Variants in TEX11 observed in about 807,000 individuals in gnomAD.
The protein encoded by TEX11 is testis expressed 11.
TEX11 carries 7 observed loss-of-function variants against 84.4 expected under a neutral mutation model. The observed-to-expected ratio is 0.08, with a 90% confidence interval of 0.05 to 0.16. The LOEUF (loss-of-function observed/expected upper bound fraction) is 0.16, where lower values mean the gene tolerates loss of function less well. Among genes scored for constraint, TEX11 ranks in the 10% least tolerant of loss-of-function variants. TEX11 has a pLI of 1.00. For missense variants in TEX11, 551 were observed against 660.5 expected (o/e 0.83, Z 1.82); for synonymous variants, 264 against 222.8 (o/e 1.18, Z -1.64).
chrX:70,858,968 G>A (rs774190226), intron 5 of TEX11, among the ~76,000 whole-genome samples: 23 of 110,824 alleles, frequency 2.1e-4, no homozygotes, highest in East Asian at 5.7e-4. Flanking sequence ...AACCCAGGAC[G>A]CAGGGGTTAC....
At chrX:70,688,353 T>C (rs1253862992) in intron 13 of TEX11, among the ~76,000 whole-genome samples, 1 of 111,748 alleles carries the variant, frequency 8.9e-6, no homozygotes. Context: ...AGCAACTTTA[T>C]TGATAATCAC....
intron 25 of TEX11, among the ~76,000 whole-genome samples, chrX:70,577,387 C>A (rs772855641): frequency 1.8e-5 from 2 of 111,444 alleles, no homozygotes; most frequent in Admixed American, 9.6e-5. Flanking sequence ...GTAGTCATCT[C>A]TATAAAACAA....
intron 7 of TEX11, among the ~76,000 whole-genome samples, chrX:70,851,159 A>G (rs780775373): frequency 1.4e-3 from 154 of 111,851 alleles, no homozygotes; most frequent in Non-Finnish European, 2.5e-3. Context: ...AAAAGAACAA[A>G]ACTGGAGGAC....
chrX:70,753,457 T>C (rs1312321241), intron 9 of TEX11, among the ~76,000 whole-genome samples: 2 of 78,198 alleles, frequency 2.6e-5, no homozygotes, highest in African/African-American at 7.6e-5. Context: ...TTTCAGATCC[T>C]AGCTCCTGAA....
intron 5 of TEX11, among the ~76,000 whole-genome samples, chrX:70,858,226 G>C (rs112538728): frequency 0.068 from 7,391 of 109,084 alleles, 617 homozygotes; most frequent in African/African-American, 0.23. Flanking sequence ...AAGGTAGGTA[G>C]ATCACGAGGT....
At chrX:70,905,530 C>T (rs1273007644) in intron 2 of TEX11, among the ~76,000 whole-genome samples, 1 of 111,442 alleles carries the variant, frequency 9.0e-6, no homozygotes, top group African/African-American at 3.3e-5. Context: ...GTAATCAAAA[C>T]ATTTTCTTGC....
intron 13 of TEX11, among the ~76,000 whole-genome samples, chrX:70,714,401 C>A (rs2090474779): frequency 9.0e-6 from 1 of 111,305 alleles, no homozygotes; most frequent in South Asian, 3.8e-4. Flanking sequence ...GTGTTAAAGT[C>A]TCCCATTATT....
intron 24 of TEX11, among the ~76,000 whole-genome samples, chrX:70,594,471 C>T (rs1264696449): frequency 1.8e-5 from 2 of 110,706 alleles, no homozygotes; most frequent in Non-Finnish European, 3.8e-5. Flanking sequence ...ATTTCTTCTT[C>T]TCTTGTTTTA....
At chrX:70,669,609 C>T (rs2090005065) in intron 16 of TEX11, among the ~76,000 whole-genome samples, 1 of 112,629 alleles carries the variant, frequency 8.9e-6, no homozygotes, top group Non-Finnish European at 1.9e-5. Flanking sequence ...GTATTTAAGT[C>T]AGATAAACAA....
At chrX:70,601,767 G>C in intron 24 of TEX11, among the ~76,000 whole-genome samples, 1 of 98,292 alleles carries the variant, frequency 1.0e-5, no homozygotes, top group South Asian at 5.4e-4. Context: ...TCAAGCATCT[G>C]TTTAACAAAG....
chrX:70,780,525 A>G (rs959706470), intron 9 of TEX11, among the ~76,000 whole-genome samples: 1 of 112,047 alleles, frequency 8.9e-6, no homozygotes, highest in African/African-American at 3.2e-5. Flanking sequence ...GGGGAAGCAC[A>G]GGGGGTCTGA....
intron 9 of TEX11, among the ~76,000 whole-genome samples, chrX:70,801,186 A>C (rs925238883): frequency 1.4e-4 from 16 of 110,989 alleles, no homozygotes; most frequent in Admixed American, 8.7e-4. Context: ...TTTTGTGCAC[A>C]TACCCCCAAG....
At chrX:70,778,074 C>T (rs2091013340) in intron 9 of TEX11, among the ~76,000 whole-genome samples, 1 of 111,220 alleles carries the variant, frequency 9.0e-6, no homozygotes, top group Non-Finnish European at 1.9e-5. Flanking sequence ...CAAATAGCAA[C>T]CAAAAGAGAG....
At chrX:70,708,421 A>C (rs1238659984) in intron 13 of TEX11, among the ~76,000 whole-genome samples, 1 of 111,757 alleles carries the variant, frequency 8.9e-6, no homozygotes, top group Non-Finnish European at 1.9e-5. Flanking sequence ...CAGAGCTACC[A>C]TTAGACCCAG....
intron 24 of TEX11, among the ~76,000 whole-genome samples, chrX:70,601,461 C>T (rs1384262288): frequency 1.0e-5 from 1 of 100,339 alleles, no homozygotes; most frequent in Non-Finnish European, 2.0e-5. Flanking sequence ...TGGTACCATA[C>T]CTTCTGAAAC....
Position 70,624,702 on chromosome X carries a change from C to T in TEX11, c.1694+137G>A, listed in dbSNP as rs2089431540. On this transcript the variant is annotated intron_variant, in intron 19 of 29. Transcript: ENST00000374333. ...TCATACCATTAAGTATTTATCAAGT[C>T]CCAACCTCACCCTCCTCTGCTTCGC... 6 of 426,041 alleles carry T rather than the reference C, an allele frequency of 1.4e-5. No homozygotes were observed. The Admixed American group carries it at 1.9e-4, about 14-fold the overall frequency. 35.1% of individuals were successfully genotyped at this position (426,041 alleles called of 1,213,427 possible). A position where few individuals can be genotyped will look rare whatever the true frequency, so the allele number is the denominator to read the frequency against.
At chrX:70,565,761 A>G (rs1283255088) in intron 25 of TEX11, among the ~76,000 whole-genome samples, 2 of 110,838 alleles carry the variant, frequency 1.8e-5, no homozygotes, top group Non-Finnish European at 3.8e-5. Context: ...CCATTGATCT[A>G]TATCTCTGTT....
At chrX:70,811,567 T>C (rs1372612841) in intron 8 of TEX11, among the ~76,000 whole-genome samples, 2 of 111,361 alleles carry the variant, frequency 1.8e-5, no homozygotes, top group Admixed American at 9.5e-5. Flanking sequence ...GGTCAAATGG[T>C]ATTTCTAGTT....
At chrX:70,515,855 A>G in the TEX11 span, among the ~76,000 whole-genome samples, 1 of 112,035 alleles carries the variant, frequency 8.9e-6, no homozygotes, top group African/African-American at 3.2e-5. Context: ...TTTCATTTGC[A>G]TTTCTTTGAT....
Sources: allele counts gnomAD v4.1 joint callset (sites outside exome capture counted in the v4.1 genomes callset), GRCh38; gene constraint gnomAD v4.1.1; transcripts MANE v1.5; gene names NCBI Gene and HGNC (gene_info 2026-07-23, HGNC 2026-07-21).